The following EPB41L4A variants were observed in gnomAD, a reference collection of about 807,000 sequenced individuals.
The protein encoded by EPB41L4A is erythrocyte membrane protein band 4.1 like 4A, also known as band 4.1-like protein 4A.
EPB41L4A carries 100 observed loss-of-function variants against 108.6 expected under a neutral mutation model. The observed-to-expected ratio is 0.92, with a 90% CI of 0.78 to 1.09. EPB41L4A has a LOEUF of 1.09. EPB41L4A is among the 50% of genes least tolerant of loss of function. The pLI is 0.00. For synonymous variants in EPB41L4A, 319 were observed against 289.0 expected, an observed-to-expected ratio of 1.10 and a Z score of -1.05; for missense variants, 1,030 against 842.7, an observed-to-expected ratio of 1.22 and a Z score of -2.75.
At chr5:112,358,512 G>C (rs1463136809) in intron 1 of EPB41L4A, among the ~76,000 whole-genome samples, 1 of 152,138 alleles carries the variant, frequency 6.6e-6, no homozygotes, top group Non-Finnish European at 1.5e-5. Context: ...CACAGAAAAA[G>C]GATCACCCAT....
chr5:112,386,759 T>C (rs1293165698), intron 1 of EPB41L4A, among the ~76,000 whole-genome samples: 1 of 151,898 alleles, frequency 6.6e-6, no homozygotes, highest in Non-Finnish European at 1.5e-5. Context: ...GATATTAGAG[T>C]AAAGAAAGAT....
chr5:112,414,979 T>C (rs907828804), intron 1 of EPB41L4A, among the ~76,000 whole-genome samples: 2 of 152,348 alleles, frequency 1.3e-5, no homozygotes, highest in East Asian at 1.9e-4. Context: ...ATATGGTTCC[T>C]GACTCTGTAC....
At chr5:112,306,985 T>A (rs770870595) in intron 2 of EPB41L4A, among the ~76,000 whole-genome samples, 3 of 152,128 alleles carry the variant, frequency 2.0e-5, no homozygotes, top group Non-Finnish European at 4.4e-5. Flanking sequence ...TTTTTTACAC[T>A]GTTATTTCTT....
chr5:112,300,487 T>G (rs1307407932), intron 2 of EPB41L4A, among the ~76,000 whole-genome samples: 2 of 152,226 alleles, frequency 1.3e-5, no homozygotes, highest in Admixed American at 1.3e-4. Context: ...CAATCCCTTC[T>G]ACCTTGTAGG....
chr5:112,382,930 T>C (rs1760265218), intron 1 of EPB41L4A, among the ~76,000 whole-genome samples: 1 of 152,204 alleles, frequency 6.6e-6, no homozygotes, highest in African/African-American at 2.4e-5. Flanking sequence ...AGACTTGAAT[T>C]GGAACTGTGT....
chr5:112,353,210 C>A (rs1187392588), intron 1 of EPB41L4A, among the ~76,000 whole-genome samples: 1 of 151,590 alleles, frequency 6.6e-6, no homozygotes, highest in African/African-American at 2.4e-5. Flanking sequence ...GCAGTGGCAG[C>A]AGTGAACCAA....
chr5:112,161,883 GCT>G (rs1181449797), downstream of EPB41L4A: 2 of 250,100 alleles, frequency 8.0e-6, no homozygotes, highest in East Asian at 1.1e-4. Context: ...TCGTAGTGTT[GCT>G]CTGTCTGTAG....
At chr5:112,351,366 A>G (rs1490173070) in intron 1 of EPB41L4A, among the ~76,000 whole-genome samples, 16 of 152,222 alleles carry the variant, frequency 1.1e-4, no homozygotes. Context: ...TGGAAAACCT[A>G]GAGGAACTGG....
intron 1 of EPB41L4A, among the ~76,000 whole-genome samples, chr5:112,342,023 G>A (rs879679221): frequency 6.6e-6 from 1 of 152,036 alleles, no homozygotes; most frequent in Non-Finnish European, 1.5e-5. Context: ...CCTATAGAAT[G>A]GATCAAGAGA....
intron 4 of EPB41L4A, among the ~76,000 whole-genome samples, chr5:112,274,735 G>C (rs2150489140): frequency 6.6e-6 from 1 of 152,306 alleles, no homozygotes; most frequent in Non-Finnish European, 1.5e-5. Flanking sequence ...AGCCCTTTCA[G>C]TTGTTGACAT....
intron 4 of EPB41L4A, among the ~76,000 whole-genome samples, chr5:112,272,112 G>A (rs886599057): frequency 6.0e-5 from 9 of 150,012 alleles, no homozygotes. Flanking sequence ...ATATATGCAC[G>A]AGAAGTTCCC....
intron 9 of EPB41L4A, among the ~76,000 whole-genome samples, chr5:112,245,095 A>G (rs890429859): frequency 1.3e-5 from 2 of 151,514 alleles, no homozygotes; most frequent in African/African-American, 4.9e-5. Context: ...AAAGCACAAT[A>G]AAGTGAAGTG....
chr5:112,301,098 G>A (rs1754324509), intron 2 of EPB41L4A, among the ~76,000 whole-genome samples: 1 of 151,276 alleles, frequency 6.6e-6, no homozygotes, highest in African/African-American at 2.4e-5. Context: ...ACCTTTCTCT[G>A]GTGCCTCCTT....
rs1445341462 is a variant in EPB41L4A, at chr5:112,419,069, G to C, written c.-30C>G. On this transcript the variant is annotated 5_prime_UTR_variant, in exon 1 of 23. Coordinates refer to ENST00000261486, the MANE Select transcript of EPB41L4A (RefSeq NM_022140.5). The stretch of plus-strand genomic sequence containing the variant: ...GTTGTGGTCGTCTCCAGCCAGGAGA[G>C]AAAGCTACCACCGAGGCGCCCAGCC... The C allele has an allele frequency of 4.5e-6, 7 of 1,566,064 alleles. No homozygotes were observed. The highest frequency in any genetic ancestry group is 4.5e-5 in the South Asian group (4 of 89,608).
In EPB41L4A at chr5:112,238,556, T is replaced by C. The variant is rs535632484; in HGVS notation, c.965+1104A>G. On this transcript the variant is annotated intron_variant, in intron 11 of 22. Transcript: ENST00000261486. ...AAAAGAGAAGAATTAAAATCTAGCATAGAGGACTATTGTCCTGAAAATGCT... is the reference window on the plus strand; with the variant it reads ...AAAAGAGAAGAATTAAAATCTAGCACAGAGGACTATTGTCCTGAAAATGCT... Among the ~76,000 whole-genome samples, 34 of 152,346 alleles carry C rather than the reference T, an allele frequency of 2.2e-4. No individual in the cohort carries two copies. In the South Asian group the frequency reaches 5.6e-3, roughly 25 times the overall value.
intron 1 of EPB41L4A, among the ~76,000 whole-genome samples, chr5:112,321,692 T>C (rs1561570027): frequency 6.6e-6 from 1 of 152,192 alleles, no homozygotes; most frequent in African/African-American, 2.4e-5. Context: ...AATACTTTTT[T>C]CCCAAATAAA....
At chr5:112,262,373 TA>T in intron 7 of EPB41L4A, 120 bp downstream of exon 7, 1 of 778,060 alleles carries the variant, frequency 1.3e-6, no homozygotes, top group Non-Finnish European at 2.1e-6. Context: ...GAAAAACAGA[TA>T]AAAAAGTATC....
Position 112,345,754 on chromosome 5 carries a change from CAT to C in EPB41L4A, c.100-38266_100-38265del, listed in dbSNP as rs1007759403. ...AGGATGTGCACAATGCTACAGGATG[CAT>C]ATATATATATACATATATATATATA... On this transcript the variant is annotated intron_variant, in intron 1 of 22. Coordinates refer to ENST00000261486, the MANE Select transcript of EPB41L4A (RefSeq NM_022140.5). Among the ~76,000 whole-genome samples the C allele has an allele frequency of 3.5e-4, 48 of 137,462 alleles. 1 individual carries two copies. Among genetic ancestry groups the C allele is most frequent in the Non-Finnish European group, 4.8e-4 (31 of 64,982 alleles). 90.2% of individuals were successfully genotyped at this position (137,462 alleles called of 152,430 possible).
chr5:112,250,010 T>C (rs10065740), intron 9 of EPB41L4A, among the ~76,000 whole-genome samples: 34,153 of 149,466 alleles, frequency 0.23, 4,424 homozygotes, highest in Non-Finnish European at 0.3. Flanking sequence ...CCTCTACATA[T>C]AGATACACAC....
Sources: gnomAD v4.1 joint callset for allele counts (sites outside exome capture counted in the v4.1 genomes callset) on GRCh38, gnomAD v4.1.1 for gene constraint, MANE v1.5 for transcripts, NCBI Gene and HGNC (gene_info 2026-07-23, HGNC 2026-07-21) for gene names.